The following SCAF4 variants were observed in gnomAD, a reference collection of about 807,000 sequenced individuals.
SCAF4 encodes the protein SR-related CTD associated factor 4.
In SCAF4, 25 loss-of-function variants were observed where a neutral mutation model predicts 129.8. That is an observed-to-expected ratio of 0.19 (90% CI 0.14 to 0.27). The LOEUF is 0.27. Ranked by LOEUF, SCAF4 falls within the 10% of genes least tolerant of loss-of-function variation. The probability of loss-of-function intolerance (pLI) is 1.00; values close to 1 mark genes in which losing one functional copy is unlikely to be tolerated. For synonymous variants in SCAF4, 551 were observed against 497.7 expected (o/e 1.11, Z -1.43); for missense variants, 1,246 against 1,457.1 (o/e 0.86, Z 2.36).
rs3841743 is a variant in SCAF4, at chr21:31,685,611, TGGA to T, written c.2163_2165del (p.Pro723del). 8 of 1,613,722 alleles carry T rather than the reference TGGA, an allele frequency of 5.0e-6. No individual in the cohort carries two copies. Among genetic ancestry groups the T allele is most frequent in the African/African-American group, 1.3e-5 (1 of 74,882 alleles). On this transcript the variant is annotated inframe_deletion, in exon 17 of 20. Transcript: ENST00000286835. ...GGTTGAATCCTGGGCGCAAAAATGG[TGGA>T]GGAGGAGGGGGAGGAGGAACACCAG...
intron 19 of SCAF4, among the ~76,000 whole-genome samples, chr21:31,672,759 G>T (rs2049743021): frequency 6.6e-6 from 1 of 152,096 alleles, no homozygotes; most frequent in Admixed American, 6.5e-5. Flanking sequence ...CATACTGCAG[G>T]TGCACACTTA....
At chr21:31,680,916 G>A (rs964142199) in intron 19 of SCAF4, among the ~76,000 whole-genome samples, 1 of 152,164 alleles carries the variant, frequency 6.6e-6, no homozygotes, top group East Asian at 1.9e-4. Context: ...GGATCATAAC[G>A]ATAGCATAAA....
intron 1 of SCAF4, among the ~76,000 whole-genome samples, chr21:31,723,314 C>T (rs2051116616): frequency 6.6e-6 from 1 of 151,970 alleles, no homozygotes; most frequent in African/African-American, 2.4e-5. Flanking sequence ...TGGCCGGGCC[C>T]GGTGGCGTGC....
rs572972393 is a variant in SCAF4, at chr21:31,677,902, G to A, written c.2489-5548C>T. Among the ~76,000 whole-genome samples the A allele has an allele frequency of 5.3e-5, 8 of 152,260 alleles. No individual in the cohort carries two copies. In the East Asian group the frequency reaches 7.7e-4, roughly 15 times the overall value. On this transcript the variant is annotated intron_variant, in intron 19 of 19. Coordinates refer to ENST00000286835, the MANE Select transcript of SCAF4 (RefSeq NM_020706.2). The stretch of plus-strand genomic sequence containing the variant: ...CCATCTATAAAATGAAGATAACCCT[G>A]AGGGCTGCAAGGGTTAAATGATTAA...
At chr21:31,715,142 CT>C (rs2050894218) in intron 1 of SCAF4, among the ~76,000 whole-genome samples, 1 of 152,160 alleles carries the variant, frequency 6.6e-6, no homozygotes, top group Non-Finnish European at 1.5e-5. Context: ...TGTAAAGGCT[CT>C]AGGGAAGAAT....
In SCAF4 at chr21:31,685,163, C is replaced by A. The variant is rs1188307206; in HGVS notation, c.2374G>T (p.Ala792Ser). ...GNPIPTVVSG[A>S]RGNAESGDSV... is the part of the protein sequence containing the mutation. ...TCACCAGACTCGGCGTTTCCTCTAG[C>A]CCCAGACACCACTGTTGGAATGGGA... is the stretch of plus-strand genomic sequence containing the variant. Residue 792 changes from alanine (A) to serine (S), a missense_variant, in exon 19 of 20, where the codon GCT becomes TCT. By Grantham distance (99) the Ala-to-Ser change is moderately conservative. Coordinates refer to ENST00000286835, the MANE Select transcript of SCAF4 (RefSeq NM_020706.2). 1 of 1,612,678 alleles carries A rather than the reference C, an allele frequency of 6.2e-7. No homozygotes were observed. The highest frequency in any genetic ancestry group is 1.7e-5 in the Admixed American group (1 of 60,022).
At chr21:31,725,077 A>G (rs1449221414) in intron 1 of SCAF4, among the ~76,000 whole-genome samples, 1 of 152,188 alleles carries the variant, frequency 6.6e-6, no homozygotes, top group Admixed American at 6.5e-5. Flanking sequence ...AACTTTCAAC[A>G]TTCAAAAACT....
chr21:31,681,950 A>G (rs1317806350), intron 19 of SCAF4, among the ~76,000 whole-genome samples: 1 of 152,102 alleles, frequency 6.6e-6, no homozygotes, highest in Non-Finnish European at 1.5e-5. Flanking sequence ...ACAAATTAAG[A>G]TCCAAGAACT....
intron 15 of SCAF4, among the ~76,000 whole-genome samples, chr21:31,688,822 T>C (rs1342855628): frequency 6.6e-6 from 1 of 152,214 alleles, no homozygotes; most frequent in Non-Finnish European, 1.5e-5. Flanking sequence ...ACACATTTGG[T>C]TCTAGAGTCC....
intron 1 of SCAF4, among the ~76,000 whole-genome samples, chr21:31,726,743 G>A (rs531518257): frequency 3.3e-5 from 5 of 152,272 alleles, no homozygotes; most frequent in African/African-American, 9.6e-5. Flanking sequence ...TGCGCACCAG[G>A]AGACATGTTT....
At chr21:31,720,939 C>T (rs565106483) in intron 1 of SCAF4, among the ~76,000 whole-genome samples, 1 of 152,288 alleles carries the variant, frequency 6.6e-6, no homozygotes, top group Admixed American at 6.5e-5. Flanking sequence ...AAGTAAACAA[C>T]AAAATGGTTA....
chr21:31,684,810 C>A, intron 19 of SCAF4: 2 of 502,314 alleles, frequency 4.0e-6, no homozygotes, highest in South Asian at 2.3e-5. Context: ...TCAAGACAGA[C>A]AAACATGATT....
Position 31,705,690 on chromosome 21 carries a change from T to C in SCAF4, c.115-223A>G, listed in dbSNP as rs981126844. On this transcript the variant is annotated intron_variant, in intron 2 of 19. Transcript: ENST00000286835. Reference sequence around the variant, plus strand: ...TCCCCAAACAGAAGATCCCTTTTCTTAAATTTTAAATCAATAAACCTTCAT... The same window carrying C: ...TCCCCAAACAGAAGATCCCTTTTCTCAAATTTTAAATCAATAAACCTTCAT... Among the ~76,000 whole-genome samples the C allele has an allele frequency of 3.3e-4, 50 of 152,296 alleles. 1 individual carries two copies. The highest frequency in any genetic ancestry group is 1.1e-3 in the African/African-American group (44 of 41,580).
At chr21:31,704,825 T>A (rs975910806) in intron 3 of SCAF4, among the ~76,000 whole-genome samples, 3 of 152,206 alleles carry the variant, frequency 2.0e-5, no homozygotes, top group Admixed American at 2.0e-4. Context: ...TAACCATCTT[T>A]TTTGCCTGTT....
intron 19 of SCAF4, chr21:31,684,816 T>C: frequency 7.6e-6 from 4 of 523,004 alleles, no homozygotes; most frequent in Non-Finnish European, 6.9e-6. Context: ...CAGACAAACA[T>C]GATTTTGTCT....
At chr21:31,694,705 A>T (rs1024848520) in intron 10 of SCAF4, 108 bp downstream of exon 10, 3 of 1,081,166 alleles carry the variant, frequency 2.8e-6, no homozygotes, top group Admixed American at 2.0e-5. Flanking sequence ...ATATGTACCC[A>T]GGTCTTTCTT....
At position 31,694,944 on chromosome 21, in the gene SCAF4, C is replaced by T. The variant is rs2050349612; in HGVS notation, c.1105G>A (p.Gly369Arg). 9 of 1,613,988 alleles carry T rather than the reference C, an allele frequency of 5.6e-6. No homozygotes were observed. Among genetic ancestry groups the T allele is most frequent in the Non-Finnish European group, 7.6e-6 (9 of 1,179,938 alleles). ...GGAAATGGAGGTGTAGGAAGAAGTCCAAATCCTGGCATTTGTCCATTAGGA... is the reference window on the plus strand; with the variant it reads ...GGAAATGGAGGTGTAGGAAGAAGTCTAAATCCTGGCATTTGTCCATTAGGA... ...LPPNGQMPGF[G>R]LLPTPPFPPM... The change falls in exon 10 of 20, where the codon GGA becomes AGA. Residue 369 changes from glycine (G) to arginine (R), a missense_variant. Gly to Arg is a moderately radical substitution (Grantham distance 125, BLOSUM62 -2). Around this residue, in one of 6 missense-constraint regions of SCAF4, gnomAD observed 236 missense variants for 210.0 expected, o/e 1.12. Coordinates refer to ENST00000286835, the MANE Select transcript of SCAF4 (RefSeq NM_020706.2).
rs372555523 is a variant in SCAF4, at chr21:31,672,202, T to C, written c.2641A>G (p.Met881Val). The C allele has an allele frequency of 6.2e-7, 1 of 1,606,566 alleles. No homozygotes were observed. The highest frequency in any genetic ancestry group is 2.2e-5 in the East Asian group (1 of 44,744). Residue 881 changes from methionine to valine, a missense_variant, in exon 20 of 20, where the codon ATG becomes GTG. Met to Val is a conservative substitution (Grantham distance 21). Coordinates refer to ENST00000286835, the MANE Select transcript of SCAF4 (RefSeq NM_020706.2). ...QRFPLMPPRP[M>V]PPHMMHRGPP... is the part of the protein sequence containing the mutation. Reference sequence around the variant, plus strand: ...CCTCTGTGCATCATGTGCGGTGGCATGGGACGGGGCGGCATCAAAGGGAAC... The same window carrying C: ...CCTCTGTGCATCATGTGCGGTGGCACGGGACGGGGCGGCATCAAAGGGAAC...
chr21:31,699,460 G>T (rs977967491), intron 7 of SCAF4, among the ~76,000 whole-genome samples: 1 of 151,394 alleles, frequency 6.6e-6, no homozygotes, highest in African/African-American at 2.4e-5. Context: ...TCAAACTGCA[G>T]TGTGGAATTC....
Sources: gnomAD v4.1 joint callset for allele counts (sites outside exome capture counted in the v4.1 genomes callset) on GRCh38, gnomAD v4.1.1 for gene constraint, gnomAD v4.1.1 regional missense constraint, MANE v1.5 for transcripts, NCBI Gene and HGNC (gene_info 2026-07-23, HGNC 2026-07-21) for gene names.